Variants in FCHSD2 observed in about 807,000 individuals in gnomAD.
FCHSD2 encodes the protein FCH and double SH3 domains 2, also known as F-BAR and double SH3 domains protein 2.
A neutral mutation model predicts 108.1 loss-of-function variants in FCHSD2; 38 were observed. The observed-to-expected ratio is 0.35, with a 90% CI of 0.27 to 0.46. The LOEUF (loss-of-function observed/expected upper bound fraction) is 0.46, where lower values mean the gene tolerates loss of function less well. Ranked by LOEUF, FCHSD2 falls within the 20% of genes least tolerant of loss-of-function variation. The pLI is 1.00. For synonymous variants in FCHSD2, 279 were observed against 314.7 expected (o/e 0.89, Z 1.20); for missense variants, 751 against 897.8 (o/e 0.84, Z 2.09).
At chr11:72,895,287 T>C (rs1855394838) in intron 10 of FCHSD2, among the ~76,000 whole-genome samples, 1 of 152,156 alleles carries the variant, frequency 6.6e-6, no homozygotes, top group African/African-American at 2.4e-5. Flanking sequence ...GAAGAAATGA[T>C]GAGAACTCTG....
At chr11:72,998,840 G>C (rs1269949856) in intron 5 of FCHSD2, among the ~76,000 whole-genome samples, 1 of 152,224 alleles carries the variant, frequency 6.6e-6, no homozygotes, top group Non-Finnish European at 1.5e-5. Context: ...CAAGGCTGTA[G>C]AGAAATTGGA....
intron 3 of FCHSD2, among the ~76,000 whole-genome samples, chr11:73,069,922 T>C (rs1859393009): frequency 1.3e-5 from 2 of 151,978 alleles, no homozygotes; most frequent in African/African-American, 2.4e-5. Flanking sequence ...TAACTAAATA[T>C]GTAAAAAAAC....
At chr11:73,083,548 A>G in intron 3 of FCHSD2, 147 bp downstream of exon 3, 1 of 600,764 alleles carries the variant, frequency 1.7e-6, no homozygotes, top group Non-Finnish European at 2.9e-6. Flanking sequence ...ACTCCATCTC[A>G]GAAAAAAAGA....
intron 13 of FCHSD2, among the ~76,000 whole-genome samples, chr11:72,857,497 G>C (rs1861456579): frequency 6.9e-6 from 1 of 144,776 alleles, no homozygotes; most frequent in African/African-American, 2.6e-5. Context: ...GGAGTGCAAT[G>C]GTGTGATCTC....
chr11:73,075,857 G>A (rs1010403362), intron 3 of FCHSD2, among the ~76,000 whole-genome samples: 4 of 151,076 alleles, frequency 2.6e-5, no homozygotes, highest in African/African-American at 9.7e-5. Context: ...GGTGGCTCAC[G>A]CCTGTAATCC....
At chr11:72,841,646 C>T (rs1860954147) in intron 17 of FCHSD2, 63 bp from the exon 18 acceptor site, 1 of 1,472,440 alleles carries the variant, frequency 6.8e-7, no homozygotes. Context: ...CTGGCTGCTT[C>T]TCTGACTGCT....
chr11:72,982,138 G>C (rs1353411871), intron 8 of FCHSD2, among the ~76,000 whole-genome samples: 1 of 152,164 alleles, frequency 6.6e-6, no homozygotes, highest in East Asian at 1.9e-4. Flanking sequence ...GCTAGGAAAA[G>C]GGGATTTCAG....
At chr11:72,880,046 C>T (rs1855050721) in intron 12 of FCHSD2, among the ~76,000 whole-genome samples, 1 of 123,244 alleles carries the variant, frequency 8.1e-6, no homozygotes, top group African/African-American at 3.1e-5. Flanking sequence ...AATAGCTACC[C>T]AAACCAAACC....
At chr11:72,959,190 C>T (rs1202801354) in intron 8 of FCHSD2, among the ~76,000 whole-genome samples, 6 of 89,150 alleles carry the variant, frequency 6.7e-5, no homozygotes, top group African/African-American at 2.4e-4. Flanking sequence ...CCCTGTTATT[C>T]TTTCTTTTCC....
chr11:72,959,133 A>G (rs1856772562), intron 8 of FCHSD2, among the ~76,000 whole-genome samples: 1 of 143,558 alleles, frequency 7.0e-6, no homozygotes, highest in Non-Finnish European at 1.5e-5. Flanking sequence ...GGTCTGTATG[A>G]TTCTGTCAAT....
At chr11:73,073,483 T>TTTTTGC (rs1479498074) in intron 3 of FCHSD2, among the ~76,000 whole-genome samples, 2 of 152,210 alleles carry the variant, frequency 1.3e-5, no homozygotes, top group East Asian at 3.8e-4. Context: ...CCTAAAGAGG[T>TTTTTGC]AATACAAGTT....
chr11:72,982,617 TG>T (rs1857234171), intron 8 of FCHSD2, among the ~76,000 whole-genome samples: 1 of 152,164 alleles, frequency 6.6e-6, no homozygotes. Flanking sequence ...TTTATTTCAG[TG>T]AAAGTTAAAG....
rs761731175 is a variant in FCHSD2 at position 72,868,042 on chromosome 11, A to T, written c.1147-16T>A. The T allele has an allele frequency of 6.5e-7, 1 of 1,545,910 alleles. No homozygotes were observed. The highest frequency in any genetic ancestry group is 1.4e-5 in the African/African-American group (1 of 72,784). On this transcript the variant is annotated splice_polypyrimidine_tract_variant and intron_variant, in intron 12 of 19. Coordinates refer to ENST00000409418, the MANE Select transcript of FCHSD2 (RefSeq NM_014824.3). ...ATTTAATTATCTAGAGAACCAAGAA[A>T]ATGGTCGGAAATCAAGGCTTTTATT... is the stretch of plus-strand genomic sequence containing the variant.
At chr11:73,103,588 T>C (rs1860273204) in intron 2 of FCHSD2, among the ~76,000 whole-genome samples, 1 of 152,212 alleles carries the variant, frequency 6.6e-6, no homozygotes, top group South Asian at 2.1e-4. Flanking sequence ...AACAAGTCTG[T>C]AGCCCCAAGC....
At chr11:73,067,797 T>C (rs561571912) in intron 3 of FCHSD2, among the ~76,000 whole-genome samples, 40 of 152,326 alleles carry the variant, frequency 2.6e-4, no homozygotes, top group South Asian at 1.9e-3. Context: ...CATGAAATCA[T>C]TGAGAACAGT....
chr11:72,872,996 A>G (rs1024897615), intron 12 of FCHSD2, among the ~76,000 whole-genome samples: 3 of 152,320 alleles, frequency 2.0e-5, no homozygotes, highest in East Asian at 3.9e-4. Flanking sequence ...ATAAAGTGGT[A>G]TCTTACTGTT....
At chr11:72,850,011 ATGAC>A in intron 13 of FCHSD2, 122 bp from the exon 14 acceptor site, 1 of 662,708 alleles carries the variant, frequency 1.5e-6, no homozygotes, top group Non-Finnish European at 2.5e-6. Context: ...CTGCATAGAA[ATGAC>A]TATCTTTCGC....
At chr11:72,968,896 TA>T (rs1237947560) in intron 8 of FCHSD2, among the ~76,000 whole-genome samples, 7 of 152,178 alleles carry the variant, frequency 4.6e-5, no homozygotes, top group African/African-American at 1.4e-4. Flanking sequence ...TATAAATTGG[TA>T]AACAAAACAA....
At chr11:72,873,705 G>A (rs930185588) in intron 12 of FCHSD2, among the ~76,000 whole-genome samples, 3 of 152,146 alleles carry the variant, frequency 2.0e-5, no homozygotes, top group Middle Eastern at 3.4e-3. Flanking sequence ...ATTAGCTTTC[G>A]CTGTTACATT....
Sources: gnomAD v4.1 joint callset for allele counts (sites outside exome capture counted in the v4.1 genomes callset) on GRCh38, gnomAD v4.1.1 for gene constraint, MANE v1.5 for transcripts, NCBI Gene and HGNC (gene_info 2026-07-23, HGNC 2026-07-21) for gene names.